The following MEI1 variants were observed in gnomAD, a reference collection of about 807,000 sequenced individuals.
MEI1 encodes meiotic double-stranded break formation protein 1.
A neutral mutation model predicts 146.2 loss-of-function variants in MEI1; 103 were observed. The observed-to-expected ratio is 0.70, with a 90% CI of 0.60 to 0.83. MEI1 has a LOEUF of 0.83. MEI1 is among the 40% of genes least tolerant of loss of function. The probability of loss-of-function intolerance (pLI) is 0.00; values close to 1 mark genes in which losing one functional copy is unlikely to be tolerated. For missense variants in MEI1, 1,529 were observed against 1,533.0 expected (o/e 1.00, Z 0.04); for synonymous variants, 652 against 628.2 (o/e 1.04, Z -0.57).
At chr22:41,785,595 C>T (rs2075939998) in intron 26 of MEI1, among the ~76,000 whole-genome samples, 1 of 150,430 alleles carries the variant, frequency 6.6e-6, no homozygotes. Context: ...CAGAGTTTGG[C>T]TCTTGTTGCC....
intron 24 of MEI1, among the ~76,000 whole-genome samples, chr22:41,782,047 A>G (rs1400691616): frequency 6.6e-6 from 1 of 152,170 alleles, no homozygotes; most frequent in Admixed American, 6.6e-5. Flanking sequence ...ATATTAATCC[A>G]CTTAACACAT....
chr22:41,720,892 C>T (rs1461338921), intron 6 of MEI1, among the ~76,000 whole-genome samples: 2 of 152,092 alleles, frequency 1.3e-5, no homozygotes, highest in Non-Finnish European at 2.9e-5. Flanking sequence ...CTGCCTCAGC[C>T]TCCCGAATAG....
At chr22:41,782,211 T>C (rs2075783599) in intron 24 of MEI1, among the ~76,000 whole-genome samples, 1 of 152,106 alleles carries the variant, frequency 6.6e-6, no homozygotes, top group Non-Finnish European at 1.5e-5. Flanking sequence ...GAGAGAACAA[T>C]ATGAGCAAAG....
At position 41,795,680 on chromosome 22, in the gene MEI1, C is replaced by G; in HGVS notation, c.3667-55C>G. Reference sequence around the variant, plus strand: ...TACAGAGGATGGAGGCAGTTAGGGCCTGTGTGGAATGGGCACTGAGGAGGC... The same window carrying G: ...TACAGAGGATGGAGGCAGTTAGGGCGTGTGTGGAATGGGCACTGAGGAGGC... On this transcript the variant is annotated intron_variant, in intron 29 of 30. Coordinates refer to ENST00000401548, the MANE Select transcript of MEI1 (RefSeq NM_152513.4). The surrounding 1 kb of genome is among the most constrained non-coding windows in gnomAD (Gnocchi z 4.2). The G allele has an allele frequency of 6.3e-7, 1 of 1,593,782 alleles. No homozygotes were observed. Among genetic ancestry groups the G allele is most frequent in the Non-Finnish European group, 8.6e-7 (1 of 1,166,756 alleles).
At position 41,755,320 on chromosome 22, in the gene MEI1, C is replaced by A. The variant is rs565126726; in HGVS notation, c.1951+1274C>A. On this transcript the variant is annotated intron_variant, in intron 17 of 30. Coordinates refer to ENST00000401548, the MANE Select transcript of MEI1 (RefSeq NM_152513.4). ...TGTGAAGATTCTGTGTCCTCTCCCC[C>A]ACTCTCTACACCTGCTGCTCTCTTT... Among the ~76,000 whole-genome samples, 222 of 152,262 alleles carry A rather than the reference C, an allele frequency of 1.5e-3. 1 individual carries two copies. Among genetic ancestry groups the A allele is most frequent in the Non-Finnish European group, 1.2e-3 (85 of 68,030 alleles).
At position 41,770,969 on chromosome 22, in the gene MEI1, A is replaced by G; in HGVS notation, c.2544+8A>G. 6.2e-7 allele frequency: 1 copy of G among 1,611,472 alleles called. No homozygotes were observed. Among genetic ancestry groups the G allele is most frequent in the Non-Finnish European group, 8.5e-7 (1 of 1,178,334 alleles). The stretch of plus-strand genomic sequence containing the variant: ...ATCCTGCTCATCTTGCTGGTAGGCA[A>G]CCACTCATTCATTTCTACATTCAGA... On this transcript the variant is annotated splice_region_variant and intron_variant, in intron 20 of 30. Coordinates refer to ENST00000401548, the MANE Select transcript of MEI1 (RefSeq NM_152513.4).
Position 41,748,143 on chromosome 22 carries a change from GAAGTTT to G in MEI1, c.1718_1723del (p.Glu573_Phe575delinsVal). The G allele has an allele frequency of 6.2e-7, 1 of 1,613,952 alleles. No homozygotes were observed. The highest frequency in any genetic ancestry group is 8.5e-7 in the Non-Finnish European group (1 of 1,179,870). ...GCAGACCACCCACCCAGCTTTGATG[GAAGTTT>G]TCCTCTCAATTCTACATAACCTCTT... On this transcript the variant is annotated inframe_deletion, in exon 15 of 31. Transcript: ENST00000401548.
rs899014096 is a variant in MEI1, at chr22:41,746,019, T to C, written c.1673T>C (p.Met558Thr). The C allele has an allele frequency of 6.3e-7, 1 of 1,596,104 alleles. No individual in the cohort carries two copies. Among genetic ancestry groups the C allele is most frequent in the African/African-American group, 1.3e-5 (1 of 74,534 alleles). The change falls in exon 14 of 31, where the codon ATG becomes ACG. Residue 558 changes from methionine to threonine, a missense_variant. Around this residue, in one of 3 missense-constraint regions of MEI1, gnomAD observed 1,212 missense variants for 1,178.9 expected, o/e 1.03. Coordinates refer to ENST00000401548, the MANE Select transcript of MEI1 (RefSeq NM_152513.4). ...GCCTGTGACTCGCTGTGTATCCCCA[T>C]GGTGATGGTGGGTTCTCCTGAGCCA... is the stretch of plus-strand genomic sequence containing the variant. ...LSACDSLCIP[M>T]VMRHLEQTTH...
intron 3 of MEI1, among the ~76,000 whole-genome samples, chr22:41,712,395 C>T (rs1009570208): frequency 2.7e-5 from 4 of 150,910 alleles, no homozygotes; most frequent in Non-Finnish European, 4.4e-5. Flanking sequence ...CCACCACGCC[C>T]GGCTAATTTT....
At position 41,764,737 on chromosome 22, in the gene MEI1, A is replaced by G. The variant is rs563949129; in HGVS notation, c.2268+1416A>G. Among the ~76,000 whole-genome samples, 33 of 152,326 alleles carry G rather than the reference A, an allele frequency of 2.2e-4. No individual in the cohort carries two copies. The South Asian group carries it at 6.8e-3, about 32-fold the overall frequency. On this transcript the variant is annotated intron_variant, in intron 19 of 30. Coordinates refer to ENST00000401548, the MANE Select transcript of MEI1 (RefSeq NM_152513.4). ...CGAAAGTGATCCAATAGCCTAATTA[A>G]CAATGATCTGAGTCCCAGCAATCCA...
intron 19 of MEI1, among the ~76,000 whole-genome samples, chr22:41,764,109 C>T (rs759728192): frequency 3.2e-4 from 48 of 151,990 alleles, no homozygotes; most frequent in African/African-American, 9.2e-4. Flanking sequence ...TACTGGCGCC[C>T]GCCACCACAC....
chr22:41,700,143 G>A (rs571756721), intron 1 of MEI1, among the ~76,000 whole-genome samples: 3 of 152,306 alleles, frequency 2.0e-5, no homozygotes, highest in South Asian at 4.1e-4. Context: ...GGGCGCATGC[G>A]GCGGCCGCTC....
intron 20 of MEI1, 101 bp from the exon 21 acceptor site, chr22:41,776,001 C>G: frequency 8.2e-7 from 1 of 1,226,446 alleles, no homozygotes; most frequent in South Asian, 1.4e-5. Flanking sequence ...GTTTTTGTGA[C>G]ATCATAATTA....
intron 14 of MEI1, among the ~76,000 whole-genome samples, chr22:41,747,757 C>T (rs1311833988): frequency 1.7e-5 from 2 of 115,792 alleles, no homozygotes; most frequent in Non-Finnish European, 1.6e-5. Context: ...AATATGAAGG[C>T]AGTTTATAAA....
At chr22:41,766,352 AG>A (rs2074854932) in intron 19 of MEI1, among the ~76,000 whole-genome samples, 1 of 151,212 alleles carries the variant, frequency 6.6e-6, no homozygotes, top group African/African-American at 2.4e-5. Context: ...TTGTGTTCTT[AG>A]TAGAGACAGG....
chr22:41,733,080 T>G (rs959946159), intron 11 of MEI1, among the ~76,000 whole-genome samples: 43 of 151,462 alleles, frequency 2.8e-4, no homozygotes, highest in African/African-American at 9.4e-4. Context: ...CGCATCCAGC[T>G]GAAAATTTTA....
At chr22:41,782,497 C>A (rs2075801667) in intron 24 of MEI1, among the ~76,000 whole-genome samples, 1 of 152,192 alleles carries the variant, frequency 6.6e-6, no homozygotes, top group Non-Finnish European at 1.5e-5. Context: ...TCTTGTAGGG[C>A]CTTGTCATCA....
intron 19 of MEI1, 78 bp downstream of exon 19, chr22:41,763,399 A>G: frequency 6.6e-7 from 1 of 1,509,752 alleles, no homozygotes; most frequent in Non-Finnish European, 9.1e-7. Context: ...CATGATGATG[A>G]TAGTGTATAG....
intron 4 of MEI1, among the ~76,000 whole-genome samples, chr22:41,714,810 G>A (rs986357728): frequency 2.0e-5 from 3 of 152,066 alleles, no homozygotes; most frequent in African/African-American, 7.2e-5. Flanking sequence ...GAACCCAGGA[G>A]GTGGAGTTTG....
Sources: allele counts gnomAD v4.1 joint callset (sites outside exome capture counted in the v4.1 genomes callset), GRCh38; gene constraint gnomAD v4.1.1; regional missense constraint gnomAD v4.1.1; non-coding constraint Gnocchi (gnomAD v3.1); transcripts MANE v1.5; gene names NCBI Gene and HGNC (gene_info 2026-07-23, HGNC 2026-07-21).